The following DIP2C variants were observed in gnomAD, a reference collection of about 807,000 sequenced individuals.
DIP2C encodes disco-interacting protein 2 homolog C.
Under a neutral mutation model 192.4 loss-of-function variants are expected in DIP2C, and 33 were observed. That is an observed-to-expected ratio of 0.17 (90% CI 0.13 to 0.23). DIP2C has a LOEUF of 0.23. DIP2C is among the 10% of genes least tolerant of loss of function. DIP2C has a pLI of 1.00. For synonymous variants in DIP2C, 979 were observed against 864.1 expected (o/e 1.13, Z -2.33); for missense variants, 1,537 against 2,110.1 (o/e 0.73, Z 5.32).
chr10:651,655 G>A lies in DIP2C; in HGVS notation c.85+37839C>T, dbSNP rs1019387200. 2.9e-6 allele frequency: 1 copy of A among 349,802 alleles called. No individual in the cohort carries two copies. Among genetic ancestry groups the A allele is most frequent in the Non-Finnish European group, 5.6e-6 (1 of 179,878 alleles). The allele number at this position is 349,802 out of a possible 1,614,324, so 21.7% of individuals were successfully genotyped here. A position where few individuals can be genotyped will look rare whatever the true frequency, so the allele number is the denominator to read the frequency against. On this transcript the variant is annotated intron_variant, in intron 1 of 36. Transcript: ENST00000280886. This position sits in a 1 kb window ranked among gnomAD's most constrained non-coding sequence, Gnocchi z 4.1. ...GCCAACTTTGAACATTTATTTGAGT[G>A]AATTCACGTCCCCCAAATTTTCCGT...
chr10:414,257 G>A (rs1965388427), intron 7 of DIP2C, 147 bp from the exon 8 acceptor site: 3 of 1,010,038 alleles, frequency 3.0e-6, no homozygotes, highest in African/African-American at 1.6e-5. Flanking sequence ...TAGAATTGGG[G>A]TCTATACACT....
intron 31 of DIP2C, among the ~76,000 whole-genome samples, chr10:320,083 A>C (rs926203398): frequency 1.3e-5 from 2 of 152,254 alleles, no homozygotes; most frequent in Admixed American, 6.5e-5. Flanking sequence ...TGCAAGGAAC[A>C]GTTACAGATG....
rs370452099 is a variant in DIP2C at position 325,221 on chromosome 10, C to T, written c.3924+1785G>A. ...TGGAGCTTGCAGTGAGCCCAGATCA[C>T]GGCAATGCACTCCAGCCTGGGCAAC... On this transcript the variant is annotated intron_variant, in intron 31 of 36. Coordinates refer to ENST00000280886, the MANE Select transcript of DIP2C (RefSeq NM_014974.3). Among the ~76,000 whole-genome samples the T allele has an allele frequency of 5.3e-5, 8 of 151,916 alleles. No individual in the cohort carries two copies. The East Asian group carries it at 9.7e-4, about 18-fold the overall frequency.
chr10:290,252 CAT>C (rs1391275435), intron 32 of DIP2C, among the ~76,000 whole-genome samples: 5 of 152,328 alleles, frequency 3.3e-5, no homozygotes, highest in East Asian at 1.9e-4. Context: ...AAACAGCTCA[CAT>C]GATTCAAACT....
intron 7 of DIP2C, among the ~76,000 whole-genome samples, chr10:414,892 A>G (rs7088544): frequency 0.16 from 5,208 of 32,152 alleles, 247 homozygotes; most frequent in East Asian, 0.32. Flanking sequence ...GTGTGTGTGT[A>G]TATATATATA....
intron 3 of DIP2C, among the ~76,000 whole-genome samples, chr10:450,886 T>A (rs1027234195): frequency 1.3e-5 from 2 of 152,098 alleles, no homozygotes; most frequent in South Asian, 2.1e-4. Flanking sequence ...AAAAGCCAGG[T>A]TGGTTCTGTC....
chr10:530,408 CAAAG>C (rs762748622), intron 1 of DIP2C, among the ~76,000 whole-genome samples: 22 of 151,940 alleles, frequency 1.4e-4, no homozygotes, highest in South Asian at 4.2e-4. Flanking sequence ...AACTTGAGGC[CAAAG>C]AAAGGGAAAA....
Position 500,990 on chromosome 10 carries a change from G to A in DIP2C, c.86-14460C>T, listed in dbSNP as rs564309766. Among the ~76,000 whole-genome samples the A allele has an allele frequency of 6.6e-5, 10 of 152,228 alleles. No individual in the cohort carries two copies. In the South Asian group the frequency reaches 1.7e-3, roughly 25 times the overall value. ...AGGTTTTCTTTTGGAGAGCGGAGGG[G>A]GCAAATGACCTACCAGAAGTTATAT... On this transcript the variant is annotated intron_variant, in intron 1 of 36. Coordinates refer to ENST00000280886, the MANE Select transcript of DIP2C (RefSeq NM_014974.3).
intron 26 of DIP2C, among the ~76,000 whole-genome samples, chr10:345,519 C>CCCCAACCCAGACACACTGCG (rs1958406094): frequency 4.7e-5 from 3 of 63,968 alleles, no homozygotes; most frequent in Non-Finnish European, 1.0e-4. Flanking sequence ...CCACAAACAC[C>CCCCAACCCAGACACACTGCG]CATCCCAGAC....
chr10:350,984 G>A (rs1488117792), intron 24 of DIP2C, among the ~76,000 whole-genome samples: 1 of 152,130 alleles, frequency 6.6e-6, no homozygotes, highest in Non-Finnish European at 1.5e-5. Context: ...AAAGATGAAT[G>A]CATGAGTGTA....
intron 1 of DIP2C, among the ~76,000 whole-genome samples, chr10:685,161 A>AAAAT (rs1831279284): frequency 3.1e-5 from 1 of 31,792 alleles, no homozygotes; most frequent in African/African-American, 1.0e-4. Context: ...AAAAAAAAAA[A>AAAAT]ATATATATAT....
At chr10:424,410 G>C (rs942403601) in intron 4 of DIP2C, among the ~76,000 whole-genome samples, 1 of 137,068 alleles carries the variant, frequency 7.3e-6, no homozygotes, top group Non-Finnish European at 1.5e-5. Context: ...CTGTTGCCCA[G>C]GCTGGAGAGC....
At chr10:520,643 C>T (rs1258711100) in intron 1 of DIP2C, among the ~76,000 whole-genome samples, 4 of 152,174 alleles carry the variant, frequency 2.6e-5, no homozygotes, top group Admixed American at 6.5e-5. Context: ...CAGCTCCTTC[C>T]GCACTCCCCC....
In DIP2C at chr10:489,874, C is replaced by T. The variant is rs377085534; in HGVS notation, c.86-3344G>A. ...TGGCTCTGACAGTGCCCGGGGCTTCCTCCATTTCACACCAGGGACATGGTG... is the reference window on the plus strand; with the variant it reads ...TGGCTCTGACAGTGCCCGGGGCTTCTTCCATTTCACACCAGGGACATGGTG... On this transcript the variant is annotated intron_variant, in intron 1 of 36. Transcript: ENST00000280886. 2.6e-4 allele frequency among the ~76,000 whole-genome samples: 19 copies of T among 73,318 alleles called. 1 individual carries two copies. Among genetic ancestry groups the T allele is most frequent in the African/African-American group, 9.9e-4 (17 of 17,146 alleles). The allele number at this position is 73,318 out of a possible 152,430, so 48.1% of individuals were successfully genotyped here.
At chr10:637,845 G>A (rs1854922859) in intron 1 of DIP2C, among the ~76,000 whole-genome samples, 1 of 152,196 alleles carries the variant, frequency 6.6e-6, no homozygotes, top group Non-Finnish European at 1.5e-5. Context: ...GAGTGCCCTG[G>A]TCTGCATGAC....
At chr10:340,808 G>A (rs764017205) in intron 29 of DIP2C, 1 of 459,408 alleles carries the variant, frequency 2.2e-6, no homozygotes, top group South Asian at 1.5e-5. Flanking sequence ...AAGCCCCGCA[G>A]TAACAGCTGG....
In DIP2C at chr10:288,390, T is replaced by C; in HGVS notation, c.4018A>G (p.Ser1340Gly). The C allele has an allele frequency of 6.2e-7, 1 of 1,614,056 alleles. No homozygotes were observed. The highest frequency in any genetic ancestry group is 1.3e-5 in the African/African-American group (1 of 75,042). The change falls in exon 33 of 37, where the codon AGT becomes GGT. Residue 1340 changes from serine to glycine, a missense_variant. By Grantham distance (56) the Ser-to-Gly change is moderately conservative. Coordinates refer to ENST00000280886, the MANE Select transcript of DIP2C (RefSeq NM_014974.3). ...TTTCCCGATTCCATCAGGGGCAGAC[T>C]ATGAGGGGATCCTCTTTCCACTAAG... ...VRLVERGSPH[S>G]LPLMESGKIL...
chr10:290,277 G>A (rs745456958), intron 32 of DIP2C, among the ~76,000 whole-genome samples: 1 of 152,332 alleles, frequency 6.6e-6, no homozygotes, highest in South Asian at 2.1e-4. Flanking sequence ...TACGGAACAC[G>A]CCGATAGGCT....
chr10:282,627 A>G (rs1780806911), intron 35 of DIP2C, among the ~76,000 whole-genome samples: 2 of 152,252 alleles, frequency 1.3e-5, no homozygotes, highest in African/African-American at 4.8e-5. Context: ...AGAATTAACT[A>G]TACAAGTGCA....
Sources: allele counts gnomAD v4.1 joint callset (sites outside exome capture counted in the v4.1 genomes callset), GRCh38; gene constraint gnomAD v4.1.1; non-coding constraint Gnocchi (gnomAD v3.1); transcripts MANE v1.5; gene names NCBI Gene and HGNC (gene_info 2026-07-23, HGNC 2026-07-21).